ASTN2: variants seen among roughly 807,000 people sequenced by gnomAD.
ASTN2 encodes astrotactin-2.
In ASTN2, 54 loss-of-function variants were observed where a neutral mutation model predicts 139.8. That is an observed-to-expected ratio of 0.39 (90% CI 0.31 to 0.48). The LOEUF (loss-of-function observed/expected upper bound fraction) is 0.48, where lower values mean the gene tolerates loss of function less well. Among genes scored for constraint, ASTN2 ranks in the 20% least tolerant of loss-of-function variants. The pLI is 0.95. For missense variants in ASTN2, 1,565 were observed against 1,725.1 expected (o/e 0.91, Z 1.64); for synonymous variants, 756 against 719.5 (o/e 1.05, Z -0.81).
intron 12 of ASTN2, among the ~76,000 whole-genome samples, chr9:116,813,662 G>T (rs1286819836): frequency 2.6e-5 from 4 of 152,038 alleles, no homozygotes; most frequent in Non-Finnish European, 5.9e-5. Context: ...TTCTTCAATG[G>T]TTTGTGGAAT....
At chr9:116,989,942 G>A (rs778875544) in intron 7 of ASTN2, among the ~76,000 whole-genome samples, 2 of 151,922 alleles carry the variant, frequency 1.3e-5, no homozygotes, top group African/African-American at 2.4e-5. Context: ...TCACAGCCTC[G>A]GTTTCTCTCT....
intron 13 of ASTN2, among the ~76,000 whole-genome samples, chr9:116,784,489 C>T (rs1343470794): frequency 6.6e-6 from 1 of 152,202 alleles, no homozygotes; most frequent in Non-Finnish European, 1.5e-5. Flanking sequence ...TGCTCCATCA[C>T]ACACGCAATG....
At chr9:117,021,190 G>A (rs1037141931) in intron 6 of ASTN2, among the ~76,000 whole-genome samples, 1 of 152,116 alleles carries the variant, frequency 6.6e-6, no homozygotes, top group African/African-American at 2.4e-5. Context: ...TTGCAGGTGT[G>A]AGCCACCATG....
intron 13 of ASTN2, among the ~76,000 whole-genome samples, chr9:116,734,647 G>A (rs1828877573): frequency 6.6e-6 from 1 of 152,128 alleles, no homozygotes; most frequent in African/African-American, 2.4e-5. Flanking sequence ...CACATGGAAT[G>A]GTCAACCTTG....
At chr9:116,793,846 G>A (rs1830618601) in intron 13 of ASTN2, among the ~76,000 whole-genome samples, 1 of 152,106 alleles carries the variant, frequency 6.6e-6, no homozygotes, top group Non-Finnish European at 1.5e-5. Flanking sequence ...TGTGTATTGA[G>A]TTCTGACTTT....
chr9:116,751,294 T>C (rs771475368), intron 13 of ASTN2, among the ~76,000 whole-genome samples: 3 of 152,198 alleles, frequency 2.0e-5, no homozygotes, highest in Non-Finnish European at 4.4e-5. Flanking sequence ...TATGTATATA[T>C]TTGCCTGTGT....
At chr9:116,729,143 T>C (rs751573073) in intron 14 of ASTN2, 47 bp from the exon 15 acceptor site, 5 of 1,396,076 alleles carry the variant, frequency 3.6e-6, no homozygotes, top group Non-Finnish European at 5.0e-6. Flanking sequence ...ATTAAGACGC[T>C]TCACACCACA....
chr9:116,740,704 TG>T (rs1829076814), intron 13 of ASTN2, among the ~76,000 whole-genome samples: 1 of 151,784 alleles, frequency 6.6e-6, no homozygotes, highest in South Asian at 2.1e-4. Context: ...TTAGTAGAGA[TG>T]GGGTTTCACT....
intron 10 of ASTN2, among the ~76,000 whole-genome samples, chr9:116,922,035 C>T (rs769061027): frequency 6.6e-6 from 1 of 152,208 alleles, no homozygotes; most frequent in Admixed American, 6.5e-5. Context: ...TCCTACTTCT[C>T]TATTCACATC....
At chr9:116,778,864 T>C (rs1830149693) in intron 13 of ASTN2, among the ~76,000 whole-genome samples, 1 of 152,156 alleles carries the variant, frequency 6.6e-6, no homozygotes. Flanking sequence ...AATGATTGAT[T>C]AAGTGAATGC....
At chr9:116,647,349 T>C (rs1857649072) in intron 17 of ASTN2, among the ~76,000 whole-genome samples, 1 of 152,200 alleles carries the variant, frequency 6.6e-6, no homozygotes, top group Non-Finnish European at 1.5e-5. Flanking sequence ...AGATACTTAA[T>C]GAATGAATGA....
chr9:116,812,725 GT>G (rs1391641807), intron 12 of ASTN2, among the ~76,000 whole-genome samples: 1 of 152,122 alleles, frequency 6.6e-6, no homozygotes, highest in East Asian at 1.9e-4. Context: ...ATGGAGGTAT[GT>G]CTAGTCAATA....
At chr9:117,396,917 G>A (rs1050457678) in intron 1 of ASTN2, among the ~76,000 whole-genome samples, 1 of 147,424 alleles carries the variant, frequency 6.8e-6, no homozygotes, top group Non-Finnish European at 1.5e-5. Flanking sequence ...ACATCATGGA[G>A]AATGGGGTAT....
chr9:116,752,744 T>A (rs1463034421), intron 13 of ASTN2, among the ~76,000 whole-genome samples: 2 of 152,184 alleles, frequency 1.3e-5, no homozygotes, highest in Admixed American at 1.3e-4. Flanking sequence ...AATATACAGA[T>A]GGCAAATGAG....
intron 13 of ASTN2, among the ~76,000 whole-genome samples, chr9:116,767,641 A>T (rs1829845129): frequency 6.6e-6 from 1 of 152,128 alleles, no homozygotes; most frequent in African/African-American, 2.4e-5. Flanking sequence ...CCATGCATGG[A>T]CCTTGCTTTT....
chr9:117,061,647 G>A (rs554910460), intron 5 of ASTN2, among the ~76,000 whole-genome samples: 18 of 152,204 alleles, frequency 1.2e-4, no homozygotes, highest in African/African-American at 4.3e-4. Flanking sequence ...TATAACAAAT[G>A]CACAATATCT....
intron 2 of ASTN2, among the ~76,000 whole-genome samples, chr9:117,286,978 G>C (rs1834465341): frequency 6.6e-6 from 1 of 152,158 alleles, no homozygotes; most frequent in Non-Finnish European, 1.5e-5. Context: ...AGCACTTATT[G>C]GTGATGTGGA....
intron 3 of ASTN2, among the ~76,000 whole-genome samples, chr9:117,147,048 T>C (rs995311401): frequency 6.6e-6 from 1 of 152,138 alleles, no homozygotes; most frequent in Non-Finnish European, 1.5e-5. Flanking sequence ...TGTTCATTAA[T>C]ATTATTTTTA....
chr9:116,848,277 A>G (rs1832500533), intron 11 of ASTN2, among the ~76,000 whole-genome samples: 2 of 152,202 alleles, frequency 1.3e-5, no homozygotes, highest in Non-Finnish European at 2.9e-5. Context: ...CAGAAGCCTC[A>G]TGTCCTATTA....
Sources: allele counts gnomAD v4.1 joint callset (sites outside exome capture counted in the v4.1 genomes callset), GRCh38; gene constraint gnomAD v4.1.1; transcripts MANE v1.5; gene names NCBI Gene and HGNC (gene_info 2026-07-23, HGNC 2026-07-21).